MAF: variants seen among roughly 807,000 people sequenced by gnomAD.
MAF encodes transcription factor Maf.
A neutral mutation model predicts 22.0 loss-of-function variants in MAF; 10 were observed. The ratio of observed to expected loss-of-function variants is 0.45; its 90% CI spans 0.28 to 0.77. MAF has a LOEUF of 0.77. Ranked by LOEUF, MAF falls within the 30% of genes least tolerant of loss-of-function variation. The pLI, the probability that MAF is intolerant of heterozygous loss-of-function variation, is 0.12. For synonymous variants in MAF, 337 were observed against 255.8 expected (o/e 1.32, Z -3.03); for missense variants, 544 against 548.4 (o/e 0.99, Z 0.08).
the MAF span, among the ~76,000 whole-genome samples, chr16:79,421,318 T>C: frequency 6.6e-6 from 1 of 152,316 alleles, no homozygotes; most frequent in South Asian, 2.1e-4. Flanking sequence ...TATCCACTAT[T>C]CTAGTATCAC....
chr16:79,428,355 C>A, the MAF span, among the ~76,000 whole-genome samples: 1 of 152,158 alleles, frequency 6.6e-6, no homozygotes, highest in South Asian at 2.1e-4. Flanking sequence ...GTTTAGGTCC[C>A]TTTTCTGCAG....
chr16:79,479,909 C>T, the MAF span, among the ~76,000 whole-genome samples: 771 of 152,298 alleles, frequency 5.1e-3, 4 homozygotes, highest in African/African-American at 0.017. Context: ...CAGGCCTTTA[C>T]AGCCCAAGTG....
the MAF span, among the ~76,000 whole-genome samples, chr16:79,401,668 A>C: frequency 6.6e-6 from 1 of 152,166 alleles, no homozygotes; most frequent in Non-Finnish European, 1.5e-5. Context: ...ACAAAATAAT[A>C]ATAGTGATAA....
the MAF span, among the ~76,000 whole-genome samples, chr16:79,314,233 C>T: frequency 6.6e-6 from 1 of 152,158 alleles, no homozygotes; most frequent in East Asian, 1.9e-4. Flanking sequence ...CAAATACTTG[C>T]AAGGTGTTCA....
the MAF span, among the ~76,000 whole-genome samples, chr16:79,446,278 G>T: frequency 6.6e-6 from 1 of 152,138 alleles, no homozygotes; most frequent in African/African-American, 2.4e-5. Context: ...TCTAAGATCA[G>T]TACCACCAGT....
At chr16:79,531,864 A>T in the MAF span, among the ~76,000 whole-genome samples, 3 of 151,714 alleles carry the variant, frequency 2.0e-5, no homozygotes, top group East Asian at 5.8e-4. Context: ...AAAGATTAGA[A>T]AATAGGCATC....
At chr16:79,215,510 C>G in the MAF span, among the ~76,000 whole-genome samples, 1 of 152,144 alleles carries the variant, frequency 6.6e-6, no homozygotes, top group African/African-American at 2.4e-5. Flanking sequence ...TGCAAAATGT[C>G]AAAGAGAACC....
chr16:79,555,386 C>G, the MAF span, among the ~76,000 whole-genome samples: 6 of 152,176 alleles, frequency 3.9e-5, no homozygotes, highest in Non-Finnish European at 8.8e-5. Flanking sequence ...CTGATCCCTT[C>G]TCACCTCTGA....
chr16:79,546,904 A>C, the MAF span, among the ~76,000 whole-genome samples: 1 of 152,208 alleles, frequency 6.6e-6, no homozygotes, highest in African/African-American at 2.4e-5. Flanking sequence ...TTAAGGAGGA[A>C]TCTAAATACA....
At chr16:79,334,774 G>C in the MAF span, among the ~76,000 whole-genome samples, 1 of 152,138 alleles carries the variant, frequency 6.6e-6, no homozygotes, top group Non-Finnish European at 1.5e-5. Flanking sequence ...TGTGTCCCAG[G>C]CAGGGAGAAA....
At chr16:79,249,096 C>G in the MAF span, among the ~76,000 whole-genome samples, 1 of 152,060 alleles carries the variant, frequency 6.6e-6, no homozygotes, top group African/African-American at 2.4e-5. Flanking sequence ...TATGAGGGCT[C>G]TGTCTACATG....
At position 79,600,129 on chromosome 16, in the gene MAF, A is replaced by G. The variant is rs1913932094; in HGVS notation, c.-227T>C. ...GCCCTCCCTCCCCCCTGCTCACGCC[A>G]ATGTGCTCCCTCGCTCGCCCCGGCC... On this transcript the variant is annotated 5_prime_UTR_variant, in exon 1 of 2. Transcript: ENST00000326043. 4.4e-6 allele frequency: 2 copies of G among 456,706 alleles called. No homozygotes were observed. Among genetic ancestry groups the G allele is most frequent in the African/African-American group, 5.6e-5 (2 of 35,514 alleles). The allele number at this position is 456,706 out of a possible 1,614,324, so 28.3% of individuals were successfully genotyped here.
the MAF span, among the ~76,000 whole-genome samples, chr16:79,255,415 G>A: frequency 6.6e-6 from 1 of 152,230 alleles, no homozygotes; most frequent in Admixed American, 6.5e-5. Flanking sequence ...AGTGACAGGA[G>A]TGAAATTTGC....
chr16:79,423,344 G>A, the MAF span, among the ~76,000 whole-genome samples: 2 of 152,148 alleles, frequency 1.3e-5, no homozygotes, highest in Non-Finnish European at 1.5e-5. Context: ...AGAGCAGCAA[G>A]GAGGCCAGCG....
chr16:79,525,746 T>A, the MAF span, among the ~76,000 whole-genome samples: 1 of 152,200 alleles, frequency 6.6e-6, no homozygotes, highest in Non-Finnish European at 1.5e-5. Context: ...TATCTACAAA[T>A]GGCATTCTAG....
At chr16:79,441,019 GA>G in the MAF span, among the ~76,000 whole-genome samples, 2 of 152,320 alleles carry the variant, frequency 1.3e-5, no homozygotes, top group South Asian at 4.1e-4. Flanking sequence ...CACAATTTGG[GA>G]GGAGGTTAAT....
chr16:79,582,334 G>C (rs374009867), downstream of MAF, among the ~76,000 whole-genome samples: 1 of 152,204 alleles, frequency 6.6e-6, no homozygotes, highest in Non-Finnish European at 1.5e-5. Flanking sequence ...TAGAATGAAA[G>C]CTCTACAGAA....
chr16:79,257,945 T>C, the MAF span, among the ~76,000 whole-genome samples: 394 of 152,342 alleles, frequency 2.6e-3, 1 homozygote, highest in Non-Finnish European at 3.4e-3. Flanking sequence ...TGTTTTCCTT[T>C]CTAAACTCTG....
At chr16:79,481,674 A>G in the MAF span, among the ~76,000 whole-genome samples, 1 of 151,918 alleles carries the variant, frequency 6.6e-6, no homozygotes, top group Non-Finnish European at 1.5e-5. Flanking sequence ...GCATTCATCC[A>G]CCAATTTACC....
Sources: gnomAD v4.1 joint callset for allele counts (sites outside exome capture counted in the v4.1 genomes callset) on GRCh38, gnomAD v4.1.1 for gene constraint, MANE v1.5 for transcripts, NCBI Gene and HGNC (gene_info 2026-07-23, HGNC 2026-07-21) for gene names.